PIKFYVE: variants seen among roughly 807,000 people sequenced by gnomAD.
The protein encoded by PIKFYVE is phosphoinositide kinase, FYVE-type zinc finger containing, also known as 1-phosphatidylinositol 3-phosphate 5-kinase.
Under a neutral mutation model 257.9 loss-of-function variants are expected in PIKFYVE, and 122 were observed. The ratio of observed to expected loss-of-function variants is 0.47; its 90% CI spans 0.41 to 0.55. The LOEUF (loss-of-function observed/expected upper bound fraction) is 0.55, where lower values mean the gene tolerates loss of function less well. Ranked by LOEUF, PIKFYVE falls within the 20% of genes least tolerant of loss-of-function variation. The pLI is 0.00. For missense variants in PIKFYVE, 2,160 were observed against 2,536.6 expected, an observed-to-expected ratio of 0.85 and a Z score of 3.19; for synonymous variants, 892 against 868.9, an observed-to-expected ratio of 1.03 and a Z score of -0.47.
At chr2:208,286,144 G>A (rs1691546041) in intron 6 of PIKFYVE, among the ~76,000 whole-genome samples, 2 of 152,132 alleles carry the variant, frequency 1.3e-5, no homozygotes, top group Non-Finnish European at 2.9e-5. Context: ...TCCATGAGAG[G>A]AGACTTTACA....
intron 21 of PIKFYVE, among the ~76,000 whole-genome samples, chr2:208,328,990 A>G (rs774295902): frequency 2.6e-5 from 4 of 152,238 alleles, no homozygotes; most frequent in Non-Finnish European, 4.4e-5. Flanking sequence ...TAATTTTTAT[A>G]AAAGCAGTCA....
intron 7 of PIKFYVE, among the ~76,000 whole-genome samples, 173 bp downstream of exon 7, chr2:208,288,991 CAG>C (rs963782632): frequency 6.6e-6 from 1 of 152,230 alleles, no homozygotes; most frequent in African/African-American, 2.4e-5. Flanking sequence ...TCCATTCTCT[CAG>C]TGACTTTCCA....
rs1269959962 is a variant in PIKFYVE at position 208,329,822 on chromosome 2, A to C, written c.3720-20A>C. The stretch of plus-strand genomic sequence containing the variant: ...GGGCATGGTAATTCTTATGTTTCTA[A>C]GAGGTGGTCTCTTCTTTAGGATTGT... On this transcript the variant is annotated intron_variant, in intron 21 of 41. Transcript: ENST00000264380. The C allele has an allele frequency of 6.2e-7, 1 of 1,609,686 alleles. No individual in the cohort carries two copies. The highest frequency in any genetic ancestry group is 8.5e-7 in the Non-Finnish European group (1 of 1,177,180).
rs367715187 is a variant in PIKFYVE at position 208,320,456 on chromosome 2, A to C, written c.2190+97A>C. ...GATTTTGACTTAATTCTAGCTAATT[A>C]AATTGGATAGGCAAACTTGATAGCT... On this transcript the variant is annotated intron_variant, in intron 17 of 41. Coordinates refer to ENST00000264380, the MANE Select transcript of PIKFYVE (RefSeq NM_015040.4). The C allele has an allele frequency of 9.8e-5, 145 of 1,478,002 alleles. No homozygotes were observed. In the South Asian group the frequency reaches 1.6e-3, roughly 17 times the overall value. The allele number at this position is 1,478,002 out of a possible 1,614,324, so 91.6% of individuals were successfully genotyped here. A position where few individuals can be genotyped will look rare whatever the true frequency, so the allele number is the denominator to read the frequency against.
At position 208,330,751 on chromosome 2, in the gene PIKFYVE, T is replaced by G. The variant is rs1029487476; in HGVS notation, c.3963+57T>G. On this transcript the variant is annotated intron_variant, in intron 23 of 41. Transcript: ENST00000264380. Reference sequence around the variant, plus strand: ...CCATTTATTTCTTTATTTGTATGTTTTTTTTTTTTCCTGAGGAGGTTTCCT... The same window carrying G: ...CCATTTATTTCTTTATTTGTATGTTGTTTTTTTTTCCTGAGGAGGTTTCCT... 7 of 1,427,430 alleles carry G rather than the reference T, an allele frequency of 4.9e-6. No homozygotes were observed. The African/African-American group carries it at 1.5e-4, about 31-fold the overall frequency. 88.4% of individuals were successfully genotyped at this position (1,427,430 alleles called of 1,614,324 possible).
chr2:208,337,569 ATATC>A (rs530837749), intron 28 of PIKFYVE, among the ~76,000 whole-genome samples: 72 of 152,168 alleles, frequency 4.7e-4, no homozygotes, highest in Admixed American at 1.8e-3. Context: ...CTATCTAGAT[ATATC>A]TATCTGTCTA....
At chr2:208,326,769 A>C (rs1226008515) in intron 20 of PIKFYVE, among the ~76,000 whole-genome samples, 8 of 152,230 alleles carry the variant, frequency 5.3e-5, no homozygotes, top group Non-Finnish European at 2.9e-5. Context: ...TCAGGGAGTG[A>C]GAGATGGAAG....
chr2:208,333,311 C>T lies in PIKFYVE; in HGVS notation c.3964-4C>T. The T allele has an allele frequency of 6.2e-7, 1 of 1,612,908 alleles. No homozygotes were observed. The highest frequency in any genetic ancestry group is 8.5e-7 in the Non-Finnish European group (1 of 1,179,578). ...TTAGGTAAACTATTTTTGCTGAATT[C>T]CAGGTAACACCAGTTGTTGCTCTTT... On this transcript the variant is annotated splice_polypyrimidine_tract_variant and splice_region_variant and intron_variant, in intron 23 of 41. Transcript: ENST00000264380.
chr2:208,292,057 A>AT (rs913205983), intron 7 of PIKFYVE, among the ~76,000 whole-genome samples: 101 of 150,922 alleles, frequency 6.7e-4, no homozygotes, highest in African/African-American at 2.1e-3. Context: ...TGACTCATGT[A>AT]TTTTTTTTTA....
intron 28 of PIKFYVE, among the ~76,000 whole-genome samples, chr2:208,337,649 A>G (rs879600267): frequency 3.9e-5 from 6 of 152,232 alleles, no homozygotes; most frequent in Admixed American, 1.3e-4. Flanking sequence ...GAAGCGAGCT[A>G]CTATTTAGAA....
In PIKFYVE at chr2:208,356,091, G is replaced by T. The variant is rs1700146765; in HGVS notation, c.*786G>T. On this transcript the variant is annotated 3_prime_UTR_variant, in exon 42 of 42. Coordinates refer to ENST00000264380, the MANE Select transcript of PIKFYVE (RefSeq NM_015040.4). ...CTAGGGTTTTTTCTCTATTTTTAGGGTATCATAGTAAATCATTAGTAAATG... is the reference window on the plus strand; with the variant it reads ...CTAGGGTTTTTTCTCTATTTTTAGGTTATCATAGTAAATCATTAGTAAATG... The T allele has an allele frequency of 1.3e-5, 2 of 151,918 alleles. No homozygotes were observed. Among genetic ancestry groups the T allele is most frequent in the African/African-American group, 2.4e-5 (1 of 41,316 alleles). The allele number at this position is 151,918 out of a possible 1,614,324, so 9.4% of individuals were successfully genotyped here.
intron 14 of PIKFYVE, 152 bp from the exon 15 acceptor site, chr2:208,315,041 A>C (rs538982178): frequency 1.3e-6 from 1 of 750,920 alleles, no homozygotes; most frequent in East Asian, 2.7e-5. Flanking sequence ...TAAGGTACAG[A>C]TATAATGAAA....
chr2:208,292,577 T>A (rs1453022521), intron 7 of PIKFYVE, among the ~76,000 whole-genome samples: 1 of 152,166 alleles, frequency 6.6e-6, no homozygotes, highest in African/African-American at 2.4e-5. Flanking sequence ...TGCTCTGAAG[T>A]CTGTTCTGCC....
At chr2:208,269,794 G>A (rs1689165938) in intron 1 of PIKFYVE, 1 of 252,214 alleles carries the variant, frequency 4.0e-6, no homozygotes, top group African/African-American at 2.3e-5. Context: ...CACCACTTTG[G>A]AGAGATCAAC....
chr2:208,318,399 G>A (rs1414191627), intron 16 of PIKFYVE, among the ~76,000 whole-genome samples: 1 of 152,156 alleles, frequency 6.6e-6, no homozygotes, highest in Non-Finnish European at 1.5e-5. Flanking sequence ...AGTGGAGTGA[G>A]ATAACCTGGG....
rs776705894 is a variant in PIKFYVE at position 208,325,480 on chromosome 2, A to G, written c.2669A>G (p.His890Arg). The G allele has an allele frequency of 1.9e-6, 3 of 1,614,206 alleles. No homozygotes were observed. Among genetic ancestry groups the G allele is most frequent in the South Asian group, 2.2e-5 (2 of 91,090 alleles). Residue 890 changes from histidine (H) to arginine (R), a missense_variant, in exon 20 of 42, where the codon CAT becomes CGT. Physicochemically the swap from His to Arg is conservative, Grantham distance 29. Around this residue, in one of 12 missense-constraint regions of PIKFYVE, gnomAD observed 522 missense variants for 514.6 expected, o/e 1.01. Transcript: ENST00000264380. ...ACATTAATGCAAAACCCTTCATTCC[A>G]TTCCCTGATTGAGGGACGAGGGCAT... is the stretch of plus-strand genomic sequence containing the variant. Reference protein sequence around the residue: ...PPTLMQNPSFHSLIEGRGHEG... With the variant: ...PPTLMQNPSFRSLIEGRGHEG...
intron 36 of PIKFYVE, among the ~76,000 whole-genome samples, chr2:208,350,511 G>T (rs1427476457): frequency 6.6e-6 from 1 of 152,074 alleles, no homozygotes; most frequent in Non-Finnish European, 1.5e-5. Flanking sequence ...AATTAGAACT[G>T]AGTCTTTTTT....
At chr2:208,346,993 G>A (rs1433172250) in intron 34 of PIKFYVE, among the ~76,000 whole-genome samples, 1 of 152,172 alleles carries the variant, frequency 6.6e-6, no homozygotes, top group Non-Finnish European at 1.5e-5. Flanking sequence ...GGCCACTCCT[G>A]ACTGAAAGAG....
In PIKFYVE at chr2:208,277,723, T is replaced by A; in HGVS notation, c.613+15T>A. On this transcript the variant is annotated intron_variant, in intron 5 of 41. Coordinates refer to ENST00000264380, the MANE Select transcript of PIKFYVE (RefSeq NM_015040.4). ...GGGCTATACAGGTAAATGCATTTTA[T>A]TGCCAGTTTACAATTTTTAAAGGTC... The A allele has an allele frequency of 1.9e-6, 3 of 1,612,708 alleles. No homozygotes were observed. The highest frequency in any genetic ancestry group is 2.5e-6 in the Non-Finnish European group (3 of 1,178,744).
Sources: gnomAD v4.1 joint callset for allele counts (sites outside exome capture counted in the v4.1 genomes callset) on GRCh38, gnomAD v4.1.1 for gene constraint, gnomAD v4.1.1 regional missense constraint, MANE v1.5 for transcripts, NCBI Gene and HGNC (gene_info 2026-07-23, HGNC 2026-07-21) for gene names.